EYS: variants seen among roughly 807,000 people sequenced by gnomAD.
The protein encoded by EYS is EGF-like photoreceptor maintenance factor.
Under a neutral mutation model 282.1 loss-of-function variants are expected in EYS, and 250 were observed. The ratio of observed to expected loss-of-function variants is 0.89; its 90% CI spans 0.80 to 0.98. The LOEUF is 0.98. EYS is among the 50% of genes least tolerant of loss of function. The pLI is 0.00. For synonymous variants in EYS, 1,355 were observed against 1,282.9 expected (o/e 1.06, Z -1.20); for missense variants, 4,016 against 3,709.0 (o/e 1.08, Z -2.15).
intron 2 of EYS, among the ~76,000 whole-genome samples, chr6:65,591,297 C>A (rs75629096): frequency 0.013 from 1,983 of 149,362 alleles, 35 homozygotes; most frequent in African/African-American, 0.04. Flanking sequence ...GACTCCATCT[C>A]AATCAATCCT....
intron 26 of EYS, among the ~76,000 whole-genome samples, chr6:64,511,650 T>A (rs1328520999): frequency 6.6e-6 from 1 of 152,048 alleles, no homozygotes; most frequent in Non-Finnish European, 1.5e-5. Context: ...TCTCCCTGAC[T>A]TTGCTCCTTC....
chr6:65,245,317 TC>T (rs1221909101), intron 12 of EYS, among the ~76,000 whole-genome samples: 1 of 152,326 alleles, frequency 6.6e-6, no homozygotes, highest in African/African-American at 2.4e-5. Context: ...ACTGATTTTC[TC>T]TACAGATTAC....
chr6:64,506,277 T>C (rs1777203178), intron 26 of EYS, among the ~76,000 whole-genome samples: 1 of 152,160 alleles, frequency 6.6e-6, no homozygotes, highest in Non-Finnish European at 1.5e-5. Context: ...AAGAGACATA[T>C]ATTTTACCAC....
chr6:64,631,796 A>C (rs1182533913), intron 22 of EYS: 1 of 152,220 alleles, frequency 6.6e-6, no homozygotes, highest in East Asian at 1.9e-4. Flanking sequence ...AGAAGGGTAC[A>C]AAAACTGAAT....
chr6:64,730,233 G>A (rs1436908633), intron 22 of EYS, among the ~76,000 whole-genome samples: 1 of 152,164 alleles, frequency 6.6e-6, no homozygotes. Flanking sequence ...CAGCTGAGTT[G>A]TGAATGACAC....
chr6:64,416,722 A>G (rs780210968), intron 28 of EYS, among the ~76,000 whole-genome samples: 2 of 152,200 alleles, frequency 1.3e-5, no homozygotes, highest in Non-Finnish European at 2.9e-5. Flanking sequence ...CATTAATGGT[A>G]CATCTTAGTA....
intron 13 of EYS, among the ~76,000 whole-genome samples, chr6:65,037,650 G>A (rs1301280111): frequency 6.6e-6 from 1 of 151,580 alleles, no homozygotes. Context: ...AACTGTTAAT[G>A]TTATGGGTAA....
rs921934934 is a variant in EYS at position 65,174,122 on chromosome 6, A to C, written c.2024-116395T>G. ...CACAGTTTGGGAAATTTTTAAAGCA[A>C]ACTTCACCCACAAACCCAACAGATG... On this transcript the variant is annotated intron_variant, in intron 12 of 42. Coordinates refer to ENST00000503581, the MANE Select transcript of EYS (RefSeq NM_001142800.2). 4.0e-5 allele frequency among the ~76,000 whole-genome samples: 6 copies of C among 151,268 alleles called. 1 individual carries two copies. The highest frequency in any genetic ancestry group is 7.4e-5 in the Non-Finnish European group (5 of 67,464).
At chr6:63,923,618 A>C (rs1217154933) in intron 35 of EYS, among the ~76,000 whole-genome samples, 1 of 152,202 alleles carries the variant, frequency 6.6e-6, no homozygotes, top group African/African-American at 2.4e-5. Flanking sequence ...GTACATGTGC[A>C]GATTTGTTAC....
intron 1 of EYS, among the ~76,000 whole-genome samples, chr6:65,660,864 T>C (rs1448178838): frequency 1.3e-5 from 2 of 151,846 alleles, no homozygotes; most frequent in Non-Finnish European, 1.5e-5. Flanking sequence ...GTCCTTCTTT[T>C]ATTGCTTTGT....
At chr6:64,377,933 G>T (rs1397132323) in intron 29 of EYS, 1 of 152,030 alleles carries the variant, frequency 6.6e-6, no homozygotes, top group Non-Finnish European at 1.5e-5. Context: ...TAAAATATGG[G>T]TAAGTACGCA....
chr6:64,344,952 G>T (rs1223651876), intron 29 of EYS, among the ~76,000 whole-genome samples: 1 of 151,988 alleles, frequency 6.6e-6, no homozygotes, highest in Non-Finnish European at 1.5e-5. Flanking sequence ...ATTCATAATT[G>T]CTTCAAAGAG....
At chr6:65,580,511 A>C (rs1764829798) in intron 2 of EYS, among the ~76,000 whole-genome samples, 1 of 152,028 alleles carries the variant, frequency 6.6e-6, no homozygotes, top group African/African-American at 2.4e-5. Flanking sequence ...TTAATTGAAA[A>C]CCTAATTTTG....
Position 64,335,955 on chromosome 6 carries a change from AC to A in EYS, c.6079-28874del, listed in dbSNP as rs373227844. Among the ~76,000 whole-genome samples the A allele has an allele frequency of 2.4e-3, 361 of 152,246 alleles. 1 individual carries two copies. The highest frequency in any genetic ancestry group is 8.3e-3 in the African/African-American group (346 of 41,564). ...GACAATTCATCACTACCAAGCCACC[AC>A]TACAAGAACTGCTAAAATGAGCTCT... On this transcript the variant is annotated intron_variant, in intron 29 of 42. Transcript: ENST00000503581.
chr6:65,442,506 G>T (rs1002016835), intron 5 of EYS, among the ~76,000 whole-genome samples: 1 of 151,896 alleles, frequency 6.6e-6, no homozygotes, highest in African/African-American at 2.4e-5. Flanking sequence ...TGTAATCCCA[G>T]CACTTTGGGA....
At chr6:63,781,865 A>C (rs1311671988) in intron 39 of EYS, among the ~76,000 whole-genome samples, 1 of 152,176 alleles carries the variant, frequency 6.6e-6, no homozygotes, top group Non-Finnish European at 1.5e-5. Flanking sequence ...TTGCCCATTC[A>C]GTATGATATT....
intron 12 of EYS, among the ~76,000 whole-genome samples, chr6:65,135,111 A>G (rs1355054173): frequency 6.6e-6 from 1 of 152,162 alleles, no homozygotes; most frequent in East Asian, 1.9e-4. Context: ...ATGTCTATTG[A>G]TGTCTTATTT....
intron 12 of EYS, among the ~76,000 whole-genome samples, chr6:65,062,578 C>T (rs73765744): frequency 5.3e-4 from 80 of 152,028 alleles, no homozygotes; most frequent in African/African-American, 1.8e-3. Context: ...AAACTCCTTA[C>T]CTTATATGAT....
At chr6:65,466,729 G>A (rs745587220) in intron 5 of EYS, among the ~76,000 whole-genome samples, 1 of 152,148 alleles carries the variant, frequency 6.6e-6, no homozygotes, top group Non-Finnish European at 1.5e-5. Context: ...TGCATGAGAA[G>A]GGACGTCTCT....
Sources: gnomAD v4.1 joint callset for allele counts (sites outside exome capture counted in the v4.1 genomes callset) on GRCh38, gnomAD v4.1.1 for gene constraint, MANE v1.5 for transcripts, NCBI Gene and HGNC (gene_info 2026-07-23, HGNC 2026-07-21) for gene names.